Variants in ATP8A1 observed in about 807,000 individuals in gnomAD.
ATP8A1 encodes the protein phospholipid-transporting ATPase IA.
A neutral mutation model predicts 177.7 loss-of-function variants in ATP8A1; 90 were observed. That is an observed-to-expected ratio of 0.51 (90% CI 0.43 to 0.60). The LOEUF is 0.60. Among genes scored for constraint, ATP8A1 ranks in the 20% least tolerant of loss-of-function variants. The pLI is 0.00. For missense variants in ATP8A1, 1,072 were observed against 1,392.8 expected, an observed-to-expected ratio of 0.77 and a Z score of 3.67; for synonymous variants, 493 against 485.9, an observed-to-expected ratio of 1.01 and a Z score of -0.19.
At chr4:42,504,506 CTTG>C (rs1724171321) in intron 23 of ATP8A1, among the ~76,000 whole-genome samples, 1 of 152,256 alleles carries the variant, frequency 6.6e-6, no homozygotes, top group African/African-American at 2.4e-5. Context: ...ATCAGTCAAT[CTTG>C]TTGTCTCTAC....
intron 25 of ATP8A1, among the ~76,000 whole-genome samples, chr4:42,479,895 G>A (rs1721477051): frequency 6.6e-6 from 1 of 152,074 alleles, no homozygotes; most frequent in Non-Finnish European, 1.5e-5. Flanking sequence ...TCACAGGAGT[G>A]TGTGCACTTT....
chr4:42,508,485 A>G (rs1340570299), intron 22 of ATP8A1, among the ~76,000 whole-genome samples: 1 of 152,238 alleles, frequency 6.6e-6, no homozygotes, highest in Non-Finnish European at 1.5e-5. Flanking sequence ...CTAAACGGAG[A>G]TGGTAAGCGG....
chr4:42,584,800 T>G (rs1303291203), intron 9 of ATP8A1, among the ~76,000 whole-genome samples: 3 of 152,178 alleles, frequency 2.0e-5, no homozygotes, highest in East Asian at 1.9e-4. Flanking sequence ...AGATATATAT[T>G]CAACAGCCTC....
chr4:42,611,263 G>T (rs1030388447), intron 5 of ATP8A1, among the ~76,000 whole-genome samples: 1 of 151,938 alleles, frequency 6.6e-6, no homozygotes, highest in African/African-American at 2.4e-5. Flanking sequence ...AAGATAAGGT[G>T]AATATGAGTC....
intron 7 of ATP8A1, among the ~76,000 whole-genome samples, chr4:42,590,388 C>G (rs941626887): frequency 2.6e-5 from 4 of 152,112 alleles, no homozygotes; most frequent in African/African-American, 9.7e-5. Context: ...ATTTAAAATA[C>G]AAGAATAAGA....
intron 6 of ATP8A1, among the ~76,000 whole-genome samples, chr4:42,596,980 C>T (rs1180292100): frequency 6.6e-6 from 1 of 152,128 alleles, no homozygotes; most frequent in Non-Finnish European, 1.5e-5. Context: ...GATTACCATA[C>T]TTTCTTTTAA....
In ATP8A1 at chr4:42,656,981, G is replaced by A. The variant is rs1288848715; in HGVS notation, c.-108C>T. 1 of 1,185,154 alleles carries A rather than the reference G, an allele frequency of 8.4e-7. No homozygotes were observed. Among genetic ancestry groups the A allele is most frequent in the Non-Finnish European group, 1.1e-6 (1 of 929,400 alleles). 73.4% of individuals were successfully genotyped at this position (1,185,154 alleles called of 1,614,324 possible). On this transcript the variant is annotated 5_prime_UTR_variant, in exon 1 of 37. Coordinates refer to ENST00000381668, the MANE Select transcript of ATP8A1 (RefSeq NM_006095.2). The stretch of plus-strand genomic sequence containing the variant: ...GCGCAGAGCGCTCAGCTGCAGCCTG[G>A]GCCGCGCCGCCGCCCACCTAGGGCA...
intron 24 of ATP8A1, among the ~76,000 whole-genome samples, chr4:42,490,718 A>T (rs995341355): frequency 2.6e-5 from 4 of 152,164 alleles, no homozygotes; most frequent in Non-Finnish European, 5.9e-5. Context: ...AGCCTACCTA[A>T]AAGGTCACAA....
intron 30 of ATP8A1, among the ~76,000 whole-genome samples, chr4:42,447,993 T>G (rs1717469270): frequency 6.6e-6 from 1 of 152,192 alleles, no homozygotes; most frequent in Non-Finnish European, 1.5e-5. Flanking sequence ...CACTAAAAAA[T>G]TATTGAGGGT....
intron 24 of ATP8A1, among the ~76,000 whole-genome samples, chr4:42,500,089 G>A (rs1723702711): frequency 1.3e-5 from 2 of 152,192 alleles, no homozygotes; most frequent in South Asian, 4.1e-4. Context: ...TCTTGGCTGG[G>A]CGCAGTGGCT....
chr4:42,430,972 C>T (rs1163147483), intron 33 of ATP8A1, among the ~76,000 whole-genome samples: 1 of 152,092 alleles, frequency 6.6e-6, no homozygotes, highest in African/African-American at 2.4e-5. Flanking sequence ...CCCCTGCACT[C>T]AAGTCCTCCA....
rs1405102932 is a variant in ATP8A1 at position 42,411,609 on chromosome 4, G to A, written c.*1307C>T. ...GGTAGCAAAATAGCCATTTTCAGAT[G>A]TCTTGTAAATGCTGAAAATAATTGA... On this transcript the variant is annotated 3_prime_UTR_variant, in exon 37 of 37. Coordinates refer to ENST00000381668, the MANE Select transcript of ATP8A1 (RefSeq NM_006095.2). The A allele has an allele frequency of 6.6e-6, 1 of 152,124 alleles. No homozygotes were observed. Among genetic ancestry groups the A allele is most frequent in the Non-Finnish European group, 1.5e-5 (1 of 68,028 alleles). 9.4% of individuals were successfully genotyped at this position (152,124 alleles called of 1,614,324 possible).
intron 23 of ATP8A1, among the ~76,000 whole-genome samples, chr4:42,504,946 C>T (rs191980880): frequency 3.2e-4 from 48 of 152,338 alleles, no homozygotes; most frequent in Admixed American, 4.6e-4. Context: ...AATCATCATG[C>T]GACAAGCTCC....
rs1724440274 is a variant in ATP8A1, at chr4:42,507,091, T to C, written c.2011A>G (p.Ile671Val). The C allele has an allele frequency of 1.2e-6, 2 of 1,614,114 alleles. No homozygotes were observed. The highest frequency in any genetic ancestry group is 1.7e-6 in the Non-Finnish European group (2 of 1,179,948). The stretch of plus-strand genomic sequence containing the variant: ...ATGTCTGCTTTCATTAGCGTTTCTA[T>C]GGTTTCAGGCACTTGATCTTGTAAT... ...DKLQDQVPET[I>V]ETLMKADIKI... Residue 671 changes from isoleucine to valine, a missense_variant, in exon 23 of 37, where the codon ATA (isoleucine) becomes GTA (valine). Ile to Val is a conservative substitution (Grantham distance 29). Coordinates refer to ENST00000381668, the MANE Select transcript of ATP8A1 (RefSeq NM_006095.2).
At chr4:42,555,295 T>C (rs1055858748) in intron 16 of ATP8A1, among the ~76,000 whole-genome samples, 1 of 150,816 alleles carries the variant, frequency 6.6e-6, no homozygotes. Context: ...GTTTCTATTG[T>C]ATATTTAGCC....
intron 22 of ATP8A1, among the ~76,000 whole-genome samples, chr4:42,518,367 T>C (rs1001951399): frequency 2.0e-5 from 3 of 152,208 alleles, no homozygotes; most frequent in African/African-American, 4.8e-5. Context: ...GATGTACTGA[T>C]CTTTTGAGGA....
At chr4:42,555,534 T>C (rs1730123631) in intron 16 of ATP8A1, among the ~76,000 whole-genome samples, 1 of 152,106 alleles carries the variant, frequency 6.6e-6, no homozygotes, top group African/African-American at 2.4e-5. Flanking sequence ...TTATTAAAAA[T>C]GATAATGAGG....
At chr4:42,441,514 C>T (rs1314826671) in intron 33 of ATP8A1, among the ~76,000 whole-genome samples, 1 of 152,088 alleles carries the variant, frequency 6.6e-6, no homozygotes, top group Non-Finnish European at 1.5e-5. Flanking sequence ...AAATTGAATA[C>T]AGCTACAACA....
chr4:42,635,122 T>C (rs1739139972), intron 1 of ATP8A1, among the ~76,000 whole-genome samples: 1 of 152,168 alleles, frequency 6.6e-6, no homozygotes, highest in Admixed American at 6.5e-5. Context: ...AGCAAAATAA[T>C]AAATTTTGCC....
Sources: gnomAD v4.1 joint callset for allele counts (sites outside exome capture counted in the v4.1 genomes callset) on GRCh38, gnomAD v4.1.1 for gene constraint, MANE v1.5 for transcripts, NCBI Gene and HGNC (gene_info 2026-07-23, HGNC 2026-07-21) for gene names.